MCM3AP: variants seen among roughly 807,000 people sequenced by gnomAD.
MCM3AP encodes minichromosome maintenance complex component 3 associated protein.
Under a neutral mutation model 184.1 loss-of-function variants are expected in MCM3AP, and 126 were observed. That is an observed-to-expected ratio of 0.68 (90% CI 0.59 to 0.79). The LOEUF (loss-of-function observed/expected upper bound fraction) is 0.79. Ranked by LOEUF, MCM3AP falls within the 30% of genes least tolerant of loss-of-function variation. MCM3AP has a pLI of 0.00. For missense variants in MCM3AP, 2,496 were observed against 2,479.2 expected, an observed-to-expected ratio of 1.01 and a Z score of -0.14; for synonymous variants, 1,002 against 979.3, an observed-to-expected ratio of 1.02 and a Z score of -0.43.
At position 46,273,171 on chromosome 21, in the gene MCM3AP, A is replaced by T. The variant is rs1042235509; in HGVS notation, c.2196+217T>A. The stretch of plus-strand genomic sequence containing the variant: ...TGTATTTTCAGTAGAGATGGGGTTT[A>T]ACCATGTTGGCCAGGCTGGTCTCAA... On this transcript the variant is annotated intron_variant, in intron 7 of 27. Transcript: ENST00000291688. Among the ~76,000 whole-genome samples the T allele has an allele frequency of 2.0e-4, 31 of 152,008 alleles. 1 individual carries two copies. The highest frequency in any genetic ancestry group is 4.4e-5 in the Non-Finnish European group (3 of 67,992).
chr21:46,244,895 C>T lies in MCM3AP; in HGVS notation c.4950G>A (p.Leu1650=). Reference sequence around the variant, plus strand: ...CCAGGTGCTCTGGGGCATTCCAGTGCAGGTGAGGAAGCAGCCGGCTGCCCC... The same window carrying T: ...CCAGGTGCTCTGGGGCATTCCAGTGTAGGTGAGGAAGCAGCCGGCTGCCCC... ...EAGGSRLLPH[L]HWNAPEHLAW... is the part of the protein sequence containing the mutation. Residue 1650 remains leucine, a synonymous_variant, in exon 23 of 28, where the codon CTG becomes CTA. Coordinates refer to ENST00000291688, the MANE Select transcript of MCM3AP (RefSeq NM_003906.5). 6.2e-7 allele frequency: 1 copy of T among 1,614,196 alleles called. No homozygotes were observed. Among genetic ancestry groups the T allele is most frequent in the Non-Finnish European group, 8.5e-7 (1 of 1,180,030 alleles).
chr21:46,238,099 C>CAACAA lies in MCM3AP; in HGVS notation c.5634-1121_5634-1120insTTGTT, dbSNP rs2080582735. 5.9e-5 allele frequency among the ~76,000 whole-genome samples: 2 copies of CAACAA among 33,944 alleles called. 1 individual carries two copies. Among genetic ancestry groups the CAACAA allele is most frequent in the Non-Finnish European group, 1.1e-4 (2 of 17,960 alleles). 22.3% of individuals were successfully genotyped at this position (33,944 alleles called of 152,430 possible). A position where few individuals can be genotyped will look rare whatever the true frequency, so the allele number is the denominator to read the frequency against. On this transcript the variant is annotated intron_variant, in intron 26 of 27. Coordinates refer to ENST00000291688, the MANE Select transcript of MCM3AP (RefSeq NM_003906.5). The stretch of plus-strand genomic sequence containing the variant: ...GGGCAACAAGAGCAAAACTCCATCT[C>CAACAA]AAAAAAAAAAAAAAAAAAATTAGAG...
rs1286698199 is a variant in MCM3AP at position 46,284,861 on chromosome 21, T to C, written c.426A>G (p.Thr142=). ...TTTCCAGAGGTTTAAAGCTGAATTC[T>C]GTTTTCCCAAAACCAGAGTTCACTA... ...GEIVNSGFGK[T]EFSFKPLENA... The change falls in exon 1 of 28, where the codon ACA becomes ACG. Residue 142 remains threonine (T), a synonymous_variant. Coordinates refer to ENST00000291688, the MANE Select transcript of MCM3AP (RefSeq NM_003906.5). 3 of 1,614,186 alleles carry C rather than the reference T, an allele frequency of 1.9e-6. No homozygotes were observed. The Admixed American group carries it at 5.0e-5, about 27-fold the overall frequency.
At chr21:46,252,393 A>G (rs989530439) in intron 19 of MCM3AP, 8 of 152,188 alleles carry the variant, frequency 5.3e-5, no homozygotes, top group African/African-American at 1.9e-4. Flanking sequence ...CAGCTATTTT[A>G]AGAAATGACT....
chr21:46,238,099 CAAA>C (rs1173445702), intron 26 of MCM3AP, among the ~76,000 whole-genome samples: 1 of 33,946 alleles, frequency 2.9e-5, no homozygotes. Flanking sequence ...AACTCCATCT[CAAA>C]AAAAAAAAAA....
intron 12 of MCM3AP, 74 bp from the exon 13 acceptor site, chr21:46,264,291 C>T (rs974229225): frequency 4.2e-6 from 4 of 951,978 alleles, no homozygotes; most frequent in South Asian, 2.9e-5. Context: ...ATGTTGTCAC[C>T]GGACAGTCTG....
At position 46,280,132 on chromosome 21, in the gene MCM3AP, T is replaced by C; in HGVS notation, c.1528A>G (p.Asn510Asp). 6.2e-7 allele frequency: 1 copy of C among 1,614,080 alleles called. No individual in the cohort carries two copies. Among genetic ancestry groups the C allele is most frequent in the Non-Finnish European group, 8.5e-7 (1 of 1,180,012 alleles). ...TCCTTCAGGGAAAAGGGTTTCTTAT[T>C]GGGGCCTGTGGACATAGGAGGCAGA... ...IFWHRKKISPNKKPFSLKEKK... is the reference protein window; with the variant it reads ...IFWHRKKISPDKKPFSLKEKK... Residue 510 changes from asparagine (N) to aspartate (D), a missense_variant, in exon 4 of 28, where the codon AAT (asparagine) becomes GAT (aspartate). Physicochemically the swap from Asn to Asp is conservative, Grantham distance 23. Transcript: ENST00000291688.
chr21:46,280,427 G>A (rs576122654), intron 3 of MCM3AP, 70 bp downstream of exon 3: 26 of 1,160,476 alleles, frequency 2.2e-5, no homozygotes, highest in African/African-American at 3.1e-5. Flanking sequence ...GCAACATAGC[G>A]AGATCTCATC....
At chr21:46,281,214 T>A (rs2081328036) in intron 2 of MCM3AP, among the ~76,000 whole-genome samples, 1 of 152,172 alleles carries the variant, frequency 6.6e-6, no homozygotes, top group Non-Finnish European at 1.5e-5. Flanking sequence ...GACAGAAAGT[T>A]TGCGAAGTCA....
chr21:46,249,736 T>C (rs1189542517), intron 20 of MCM3AP: 3 of 379,800 alleles, frequency 7.9e-6, no homozygotes, highest in Non-Finnish European at 1.5e-5. Context: ...ACCTGGCCTG[T>C]GCCAGGCACT....
At chr21:46,282,585 G>A (rs1400864418) in intron 2 of MCM3AP, among the ~76,000 whole-genome samples, 2 of 152,028 alleles carry the variant, frequency 1.3e-5, no homozygotes, top group Non-Finnish European at 2.9e-5. Flanking sequence ...CAGGCAGATC[G>A]TGAGGTCAGG....
intron 14 of MCM3AP, 106 bp downstream of exon 14, chr21:46,261,174 G>A: frequency 7.0e-7 from 1 of 1,422,936 alleles, no homozygotes; most frequent in Non-Finnish European, 9.7e-7. Context: ...AGCAGGGGTG[G>A]AATGGTAGCA....
At chr21:46,240,103 T>C (rs1172118759) in intron 26 of MCM3AP, among the ~76,000 whole-genome samples, 3 of 151,918 alleles carry the variant, frequency 2.0e-5, no homozygotes, top group African/African-American at 4.8e-5. Context: ...CACCACCTAA[T>C]ATGGGGAGGG....
intron 26 of MCM3AP, among the ~76,000 whole-genome samples, chr21:46,239,922 T>C (rs2123807030): frequency 6.6e-6 from 1 of 152,216 alleles, no homozygotes; most frequent in South Asian, 2.1e-4. Flanking sequence ...TTCACGGTCA[T>C]GTTCAACCCT....
chr21:46,277,667 T>C lies in MCM3AP; in HGVS notation c.1718A>G (p.Asp573Gly), dbSNP rs1283284751. ...GCCCTCGGAGGCTGAGTCAAAAGAGTCTCCCTCGAATTGGTGGGCCTTTAG... is the reference window on the plus strand; with the variant it reads ...GCCCTCGGAGGCTGAGTCAAAAGAGCCTCCCTCGAATTGGTGGGCCTTTAG... Reference protein sequence around the residue: ...SLLKAHQFEGDSFDSASEGSE... With the variant: ...SLLKAHQFEGGSFDSASEGSE... Residue 573 changes from aspartate (D) to glycine (G), a missense_variant, in exon 5 of 28, where the codon GAC becomes GGC. Asp to Gly is a moderately conservative substitution (Grantham distance 94). Transcript: ENST00000291688. The C allele has an allele frequency of 1.4e-5, 22 of 1,605,410 alleles. No individual in the cohort carries two copies. Among genetic ancestry groups the C allele is most frequent in the Non-Finnish European group, 1.9e-5 (22 of 1,175,872 alleles).
chr21:46,269,398 G>C (rs886634502), intron 9 of MCM3AP, among the ~76,000 whole-genome samples: 3 of 152,140 alleles, frequency 2.0e-5, no homozygotes, highest in Non-Finnish European at 4.4e-5. Flanking sequence ...AGGATAACAG[G>C]TGTGAGCCAA....
At chr21:46,248,346 CCT>C (rs929167873) in intron 20 of MCM3AP, among the ~76,000 whole-genome samples, 55 of 152,252 alleles carry the variant, frequency 3.6e-4, no homozygotes, top group African/African-American at 1.2e-3. Context: ...CCAACCCTAC[CCT>C]GAGAATACCA....
intron 3 of MCM3AP, 125 bp downstream of exon 3, chr21:46,280,372 G>A: frequency 1.2e-6 from 1 of 825,370 alleles, no homozygotes; most frequent in Admixed American, 2.7e-5. Flanking sequence ...CTGAAAAGAG[G>A]GCCATGCACA....
intron 5 of MCM3AP, 98 bp from the exon 6 acceptor site, chr21:46,275,423 A>C (rs1250609490): frequency 3.0e-6 from 3 of 1,003,012 alleles, no homozygotes; most frequent in South Asian, 1.7e-5. Context: ...TAAAACTTAA[A>C]ACACACACAC....
Sources: allele counts gnomAD v4.1 joint callset (sites outside exome capture counted in the v4.1 genomes callset), GRCh38; gene constraint gnomAD v4.1.1; transcripts MANE v1.5; gene names NCBI Gene and HGNC (gene_info 2026-07-23, HGNC 2026-07-21).